The following CAB39 variants were observed in gnomAD, a reference collection of about 807,000 sequenced individuals.
The protein encoded by CAB39 is calcium-binding protein 39.
A neutral mutation model predicts 40.0 loss-of-function variants in CAB39; 8 were observed. That is an observed-to-expected ratio of 0.20 (90% CI 0.12 to 0.36). The LOEUF is 0.36. CAB39 is among the 10% of genes least tolerant of loss of function. The probability of loss-of-function intolerance (pLI) is 1.00; values close to 1 mark genes in which losing one functional copy is unlikely to be tolerated. For synonymous variants in CAB39, 156 were observed against 141.6 expected (o/e 1.10, Z -0.72); for missense variants, 270 against 401.1 (o/e 0.67, Z 2.79).
intron 2 of CAB39, among the ~76,000 whole-genome samples, chr2:230,782,813 C>CTTTTTTTTTTT (rs1212977897): frequency 7.3e-5 from 6 of 81,766 alleles, no homozygotes; most frequent in African/African-American, 1.9e-4. Context: ...TTCTTTCTTT[C>CTTTTTTTTTTT]TTTTTTTTTT....
At chr2:230,725,082 A>C in intron 1 of CAB39, 2 of 1,552,622 alleles carry the variant, frequency 1.3e-6, no homozygotes, top group Non-Finnish European at 1.8e-6. Context: ...ACAGGGGAGG[A>C]GTCCCTACTC....
chr2:230,731,058 A>G (rs967167429), intron 1 of CAB39, among the ~76,000 whole-genome samples: 1 of 152,214 alleles, frequency 6.6e-6, no homozygotes, highest in African/African-American at 2.4e-5. Flanking sequence ...CCTCTACTAA[A>G]CAGCAGAGCT....
At chr2:230,814,246 T>C in intron 7 of CAB39, 132 bp downstream of exon 7, 1 of 558,176 alleles carries the variant, frequency 1.8e-6, no homozygotes. Flanking sequence ...AGGGTCAAGA[T>C]TTTTGCGGAA....
intron 1 of CAB39, among the ~76,000 whole-genome samples, chr2:230,721,188 T>C (rs1694445982): frequency 6.6e-6 from 1 of 152,232 alleles, no homozygotes; most frequent in South Asian, 2.1e-4. Flanking sequence ...CCCAGCACTT[T>C]GGGAGACCAA....
At chr2:230,766,664 G>A (rs1015402044) in intron 2 of CAB39, among the ~76,000 whole-genome samples, 5 of 152,216 alleles carry the variant, frequency 3.3e-5, no homozygotes, top group African/African-American at 1.2e-4. Flanking sequence ...AAGTAGCTGG[G>A]ACTACAAGCA....
At chr2:230,752,043 C>T (rs80346944) in intron 1 of CAB39, 2 of 93,122 alleles carry the variant, frequency 2.1e-5, no homozygotes, top group Non-Finnish European at 4.5e-5. Flanking sequence ...CCCCCCCCCC[C>T]ACATACACAC....
chr2:230,773,449 G>A (rs1695528690), intron 2 of CAB39, among the ~76,000 whole-genome samples: 1 of 151,772 alleles, frequency 6.6e-6, no homozygotes. Flanking sequence ...GGCAGATGTG[G>A]CTTAGAAACC....
At chr2:230,718,129 AATT>A (rs1272702947) in intron 1 of CAB39, among the ~76,000 whole-genome samples, 1 of 152,224 alleles carries the variant, frequency 6.6e-6, no homozygotes. Flanking sequence ...TTTATATGGT[AATT>A]ATTCTTTGGG....
chr2:230,728,908 C>T (rs114273423), intron 1 of CAB39, among the ~76,000 whole-genome samples: 2,563 of 152,244 alleles, frequency 0.017, 38 homozygotes, highest in South Asian at 0.028. Flanking sequence ...GCATTGCACC[C>T]GGCCCCAGAT....
At chr2:230,804,508 C>CTTA (rs1374318676) in intron 5 of CAB39, among the ~76,000 whole-genome samples, 1 of 152,078 alleles carries the variant, frequency 6.6e-6, no homozygotes, top group Non-Finnish European at 1.5e-5. Flanking sequence ...TGACAAAGGG[C>CTTA]TAATATCCAG....
At chr2:230,732,986 A>C (rs907428915) in intron 1 of CAB39, among the ~76,000 whole-genome samples, 1 of 152,146 alleles carries the variant, frequency 6.6e-6, no homozygotes, top group African/African-American at 2.4e-5. Flanking sequence ...TAAATATGGA[A>C]TTTTTTTCAA....
chr2:230,797,672 G>A (rs1378515922), intron 4 of CAB39, among the ~76,000 whole-genome samples: 2 of 152,154 alleles, frequency 1.3e-5, no homozygotes, highest in Admixed American at 6.5e-5. Flanking sequence ...AGTAGTCATG[G>A]TGGGAGCCAT....
intron 2 of CAB39, among the ~76,000 whole-genome samples, chr2:230,788,478 A>C (rs1695834214): frequency 6.6e-6 from 1 of 152,130 alleles, no homozygotes; most frequent in South Asian, 2.1e-4. Context: ...TTCTCTTTTA[A>C]ATAAAAGGGA....
At chr2:230,725,373 C>G in intron 1 of CAB39, 1 of 1,599,204 alleles carries the variant, frequency 6.3e-7, no homozygotes. Context: ...GGCTCTGCCA[C>G]GAAGTCTCGG....
At chr2:230,807,394 C>T (rs772780376) in intron 5 of CAB39, among the ~76,000 whole-genome samples, 1 of 152,022 alleles carries the variant, frequency 6.6e-6, no homozygotes, top group Non-Finnish European at 1.5e-5. Flanking sequence ...TTGCTCTTTT[C>T]CTACTAGTGT....
At chr2:230,757,615 CT>C (rs1322943173) in intron 1 of CAB39, among the ~76,000 whole-genome samples, 2 of 152,200 alleles carry the variant, frequency 1.3e-5, no homozygotes, top group Non-Finnish European at 2.9e-5. Flanking sequence ...AAAGTCACAT[CT>C]TTCACCATTG....
chr2:230,785,593 T>TG (rs1695775343), intron 2 of CAB39, among the ~76,000 whole-genome samples: 1 of 151,922 alleles, frequency 6.6e-6, no homozygotes, highest in Non-Finnish European at 1.5e-5. Context: ...TTAATGTAGG[T>TG]GGCGGGTGCA....
At chr2:230,721,901 G>A (rs886830641) in intron 1 of CAB39, among the ~76,000 whole-genome samples, 34 of 152,148 alleles carry the variant, frequency 2.2e-4, no homozygotes, top group Admixed American at 2.0e-4. Context: ...ACATCTTGAA[G>A]AAAGGTTCTA....
intron 1 of CAB39, among the ~76,000 whole-genome samples, chr2:230,732,772 GTGTGTGCC>G (rs954173542): frequency 2.0e-5 from 3 of 152,188 alleles, no homozygotes; most frequent in African/African-American, 7.2e-5. Flanking sequence ...TGATAATGAA[GTGTGTGCC>G]TGTAGGAGAA....
Sources: gnomAD v4.1 joint callset for allele counts (sites outside exome capture counted in the v4.1 genomes callset) on GRCh38, gnomAD v4.1.1 for gene constraint, MANE v1.5 for transcripts, NCBI Gene and HGNC (gene_info 2026-07-23, HGNC 2026-07-21) for gene names.